The following LHPP variants were observed in gnomAD, a reference collection of about 807,000 sequenced individuals.
LHPP encodes the protein hLHPP.
Under a neutral mutation model 30.3 loss-of-function variants are expected in LHPP, and 24 were observed. The observed-to-expected ratio is 0.79, with a 90% CI of 0.57 to 1.11. LHPP has a LOEUF of 1.11. Among genes scored for constraint, LHPP ranks in the 50% most tolerant of loss-of-function variants. The probability of loss-of-function intolerance (pLI) is 0.00; values close to 1 mark genes in which losing one functional copy is unlikely to be tolerated. For synonymous variants in LHPP, 150 were observed against 157.1 expected, an observed-to-expected ratio of 0.95 and a Z score of 0.34; for missense variants, 356 against 367.2, an observed-to-expected ratio of 0.97 and a Z score of 0.25.
chr10:124,587,901 TG>T (rs1417474638), intron 6 of LHPP, among the ~76,000 whole-genome samples: 1 of 152,030 alleles, frequency 6.6e-6, no homozygotes, highest in Non-Finnish European at 1.5e-5. Flanking sequence ...GAATGCAGGT[TG>T]GGGGACAGGG....
chr10:124,604,508 G>A (rs1349275631), intron 6 of LHPP, among the ~76,000 whole-genome samples: 12 of 152,180 alleles, frequency 7.9e-5, no homozygotes, highest in Admixed American at 7.9e-4. Flanking sequence ...GTGTGCAGGT[G>A]GAGGCAGACC....
intron 5 of LHPP, among the ~76,000 whole-genome samples, chr10:124,514,018 G>A (rs567824149): frequency 6.6e-6 from 1 of 152,340 alleles, no homozygotes; most frequent in African/African-American, 2.4e-5. Context: ...CACATTTGCT[G>A]AGCGTCAACC....
chr10:124,485,284 C>A (rs1953288517), intron 2 of LHPP, among the ~76,000 whole-genome samples: 1 of 152,020 alleles, frequency 6.6e-6, no homozygotes, highest in African/African-American at 2.4e-5. Flanking sequence ...AGAAAAATAT[C>A]TTGCCCCACC....
chr10:124,571,298 C>G (rs559501381), intron 6 of LHPP, among the ~76,000 whole-genome samples: 1 of 152,296 alleles, frequency 6.6e-6, no homozygotes, highest in South Asian at 2.1e-4. Flanking sequence ...TGTGTGGACA[C>G]GTTTCCAGTT....
chr10:124,475,760 T>G (rs1418022976), intron 1 of LHPP, among the ~76,000 whole-genome samples: 1 of 151,994 alleles, frequency 6.6e-6, no homozygotes, highest in Non-Finnish European at 1.5e-5. Context: ...ACCATGGCCC[T>G]CAGGGACGTC....
chr10:124,488,019 G>A (rs1285129137), intron 2 of LHPP, among the ~76,000 whole-genome samples: 1 of 152,160 alleles, frequency 6.6e-6, no homozygotes, highest in African/African-American at 2.4e-5. Flanking sequence ...TACAGTTTGG[G>A]ACCAGTAGTG....
At chr10:124,494,008 A>T (rs558805924) in intron 3 of LHPP, 43 of 152,370 alleles carry the variant, frequency 2.8e-4, no homozygotes, top group African/African-American at 9.6e-4. Flanking sequence ...TCAGTTTTTT[A>T]AAAAATAAAC....
intron 3 of LHPP, among the ~76,000 whole-genome samples, chr10:124,492,035 AC>A (rs748992210): frequency 2.8e-4 from 43 of 152,250 alleles, no homozygotes; most frequent in Admixed American, 1.9e-3. Flanking sequence ...AGAAGATCTG[AC>A]AATACGGAGC....
At chr10:124,502,919 T>C (rs947247814) in intron 5 of LHPP, among the ~76,000 whole-genome samples, 1 of 151,190 alleles carries the variant, frequency 6.6e-6, no homozygotes, top group Non-Finnish European at 1.5e-5. Flanking sequence ...TCAGGTGATC[T>C]GCCTGCCTTG....
intron 6 of LHPP, among the ~76,000 whole-genome samples, chr10:124,538,194 C>CACCATGCAGGGTT (rs1311242776): frequency 6.6e-6 from 1 of 151,900 alleles, no homozygotes; most frequent in African/African-American, 2.4e-5. Context: ...CATGCGGGGT[C>CACCATGCAGGGTT]ACCATGTGGG....
chr10:124,497,310 C>A (rs923086314), intron 4 of LHPP, among the ~76,000 whole-genome samples: 2 of 105,508 alleles, frequency 1.9e-5, no homozygotes, highest in African/African-American at 3.1e-5. Context: ...TGGGCGCAGC[C>A]CCCCCTGCCC....
intron 5 of LHPP, among the ~76,000 whole-genome samples, chr10:124,511,417 C>G (rs1954291569): frequency 6.6e-6 from 1 of 152,188 alleles, no homozygotes; most frequent in Non-Finnish European, 1.5e-5. Context: ...GAGGAAAGAT[C>G]AGAGAAAATC....
rs1397923295 is a variant in LHPP at position 124,567,365 on chromosome 10, T to C, written c.717-45899T>C. ...GGGCCGACCAGGGCTGCGGGCATCATATCCCGCTCAGCCGCTGCCTGCCCT... is the reference window on the plus strand; with the variant it reads ...GGGCCGACCAGGGCTGCGGGCATCACATCCCGCTCAGCCGCTGCCTGCCCT... On this transcript the variant is annotated intron_variant, in intron 6 of 6. Coordinates refer to ENST00000368842, the MANE Select transcript of LHPP (RefSeq NM_022126.4). Among the ~76,000 whole-genome samples the C allele has an allele frequency of 5.9e-5, 9 of 152,340 alleles. No individual in the cohort carries two copies. In the East Asian group the frequency reaches 1.7e-3, roughly 29 times the overall value.
chr10:124,596,461 G>A lies in LHPP; in HGVS notation c.717-16803G>A, dbSNP rs546045453. Among the ~76,000 whole-genome samples, 1 of 152,292 alleles carries A rather than the reference G, an allele frequency of 6.6e-6. No homozygotes were observed. The highest frequency in any genetic ancestry group is 2.4e-5 in the African/African-American group (1 of 41,566). On this transcript the variant is annotated intron_variant, in intron 6 of 6. Transcript: ENST00000368842. This position sits in a 1 kb window ranked among gnomAD's most constrained non-coding sequence, Gnocchi z 4.6. ...TGGCCATTCAGGTGGACGTGGAGCG[G>A]TGTCATTTCCTTCCTGAGGGGCCTG...
At chr10:124,531,663 C>T (rs1425932619) in intron 6 of LHPP, among the ~76,000 whole-genome samples, 4 of 152,358 alleles carry the variant, frequency 2.6e-5, no homozygotes, top group Admixed American at 2.0e-4. Flanking sequence ...TTGGGGCTAG[C>T]ATTGCTTAGA....
Position 124,523,587 on chromosome 10 carries a change from G to A in LHPP, c.716+6316G>A, listed in dbSNP as rs181666353. 2.6e-5 allele frequency among the ~76,000 whole-genome samples: 4 copies of A among 152,330 alleles called. No individual in the cohort carries two copies. The highest frequency in any genetic ancestry group is 3.9e-4 in the East Asian group (2 of 5,190). ...TCTTCTGTGCTACGTGGAGTGTGAG[G>A]GAAGGAAGTGAAACTGGTGTTAATT... On this transcript the variant is annotated intron_variant, in intron 6 of 6. Transcript: ENST00000368842. This position sits in a 1 kb window ranked among gnomAD's most constrained non-coding sequence, Gnocchi z 4.2.
chr10:124,497,227 C>T (rs1953744688), intron 4 of LHPP, among the ~76,000 whole-genome samples: 1 of 150,142 alleles, frequency 6.7e-6, no homozygotes, highest in Non-Finnish European at 1.5e-5. Flanking sequence ...CTCCCCATCT[C>T]TCCCTTCCCA....
At chr10:124,501,578 G>A (rs1201248755) in intron 5 of LHPP, among the ~76,000 whole-genome samples, 1 of 147,276 alleles carries the variant, frequency 6.8e-6, no homozygotes, top group Non-Finnish European at 1.5e-5. Flanking sequence ...CTCCAGCCTG[G>A]GCGACAGAGC....
At chr10:124,563,874 T>C (rs1948443391) in intron 6 of LHPP, among the ~76,000 whole-genome samples, 1 of 152,138 alleles carries the variant, frequency 6.6e-6, no homozygotes, top group Non-Finnish European at 1.5e-5. Flanking sequence ...GACCAGGAGC[T>C]GCACAGCCAG....
Sources: allele counts gnomAD v4.1 joint callset (sites outside exome capture counted in the v4.1 genomes callset), GRCh38; gene constraint gnomAD v4.1.1; non-coding constraint Gnocchi (gnomAD v3.1); transcripts MANE v1.5; gene names NCBI Gene and HGNC (gene_info 2026-07-23, HGNC 2026-07-21).